Variants in DENR observed in about 807,000 individuals in gnomAD.
The protein encoded by DENR is density regulated re-initiation and release factor.
A neutral mutation model predicts 30.6 loss-of-function variants in DENR; 6 were observed. The ratio of observed to expected loss-of-function variants is 0.20; its 90% CI spans 0.11 to 0.39. The LOEUF (loss-of-function observed/expected upper bound fraction) is 0.39, where lower values mean the gene tolerates loss of function less well. Among genes scored for constraint, DENR ranks in the 10% least tolerant of loss-of-function variants. The pLI is 1.00. For missense variants in DENR, 141 were observed against 230.9 expected (o/e 0.61, Z 2.52); for synonymous variants, 78 against 72.1 (o/e 1.08, Z -0.41).
At position 122,767,519 on chromosome 12, in the gene DENR, G is replaced by A; in HGVS notation, c.327G>A (p.Lys109=). 1 of 1,585,662 alleles carries A rather than the reference G, an allele frequency of 6.3e-7. No individual in the cohort carries two copies. The highest frequency in any genetic ancestry group is 8.6e-7 in the Non-Finnish European group (1 of 1,166,826). ...GGRGQIKQKK[K]TVPQKVTIAK... ...GGGGTCAAATAAAACAAAAAAAGAAGACCGTACCACAAAAGGTTACTATAG... is the reference window on the plus strand; with the variant it reads ...GGGGTCAAATAAAACAAAAAAAGAAAACCGTACCACAAAAGGTTACTATAG... Residue 109 remains lysine, a synonymous_variant, in exon 6 of 8, where the codon AAG becomes AAA. Transcript: ENST00000280557.
Position 122,769,216 on chromosome 12 carries a change from ATGTATATATACATGTG to A in DENR, c.*144_*159del. 1.2e-6 allele frequency: 1 copy of A among 838,788 alleles called. No homozygotes were observed. Among genetic ancestry groups the A allele is most frequent in the Admixed American group, 4.7e-5 (1 of 21,304 alleles). 52.0% of individuals were successfully genotyped at this position (838,788 alleles called of 1,614,324 possible). On this transcript the variant is annotated 3_prime_UTR_variant, in exon 8 of 8. Coordinates refer to ENST00000280557, the MANE Select transcript of DENR (RefSeq NM_003677.5). Reference sequence around the variant, plus strand: ...TATATGTATGTATACACATATACACATGTATATATACATGTGTGTATGTATACATGTATATATATAT... The same window carrying A: ...TATATGTATGTATACACATATACACATGTATGTATACATGTATATATATAT...
At chr12:122,758,113 C>T (rs1566059011) in intron 2 of DENR, among the ~76,000 whole-genome samples, 1 of 152,134 alleles carries the variant, frequency 6.6e-6, no homozygotes, top group Non-Finnish European at 1.5e-5. Flanking sequence ...ACTCTGTTGC[C>T]CAGACTGGAG....
chr12:122,770,446 GC>G lies in DENR; in HGVS notation c.*1370del. On this transcript the variant is annotated 3_prime_UTR_variant, in exon 8 of 8. Transcript: ENST00000280557. ...CGTCATCATCTGCTCTGAGTGGAAG[GC>G]CGTTCAGAGAGGCTAGAGGTTCTTA... is the stretch of plus-strand genomic sequence containing the variant. The G allele has an allele frequency of 2.5e-6, 1 of 395,058 alleles. No homozygotes were observed. The highest frequency in any genetic ancestry group is 4.5e-6 in the Non-Finnish European group (1 of 224,410). 24.5% of individuals were successfully genotyped at this position (395,058 alleles called of 1,614,324 possible). A position where few individuals can be genotyped will look rare whatever the true frequency, so the allele number is the denominator to read the frequency against.
intron 5 of DENR, 92 bp downstream of exon 5, chr12:122,765,479 C>A: frequency 8.7e-7 from 1 of 1,146,694 alleles, no homozygotes; most frequent in Non-Finnish European, 1.2e-6. Flanking sequence ...AAGCTAGGCA[C>A]AATGGTGGGC....
chr12:122,764,982 G>T (rs972840874), intron 4 of DENR, among the ~76,000 whole-genome samples: 3 of 152,208 alleles, frequency 2.0e-5, no homozygotes, highest in Non-Finnish European at 1.5e-5. Context: ...CTCTTCTCTA[G>T]ATGTTAACAA....
chr12:122,758,217 G>A (rs535058779), intron 2 of DENR, among the ~76,000 whole-genome samples: 8 of 152,080 alleles, frequency 5.3e-5, no homozygotes, highest in East Asian at 3.9e-4. Flanking sequence ...GATTACAGGC[G>A]CCTGCCACCG....
chr12:122,756,613 G>A (rs1357441474), intron 2 of DENR, among the ~76,000 whole-genome samples: 1 of 152,216 alleles, frequency 6.6e-6, no homozygotes, highest in Non-Finnish European at 1.5e-5. Context: ...CAGAAGGGCT[G>A]AAGGTTGGAC....
rs562263775 is a variant in DENR at position 122,765,168 on chromosome 12, T to A, written c.212-136T>A. 2.9e-5 allele frequency: 19 copies of A among 644,256 alleles called. No homozygotes were observed. In the African/African-American group the frequency reaches 3.3e-4, roughly 11 times the overall value. The allele number at this position is 644,256 out of a possible 1,614,324, so 39.9% of individuals were successfully genotyped here. A position where few individuals can be genotyped will look rare whatever the true frequency, so the allele number is the denominator to read the frequency against. ...CTTGAATAGAAATCTAGCAGTGTAA[T>A]CCATTGCTTTACAAATTTCATGCTC... is the stretch of plus-strand genomic sequence containing the variant. On this transcript the variant is annotated intron_variant, in intron 4 of 7. Coordinates refer to ENST00000280557, the MANE Select transcript of DENR (RefSeq NM_003677.5).
chr12:122,752,878 A>T lies in DENR; in HGVS notation c.-82A>T, dbSNP rs979271678. 4 of 152,474 alleles carry T rather than the reference A, an allele frequency of 2.6e-5. No homozygotes were observed. Among genetic ancestry groups the T allele is most frequent in the African/African-American group, 7.2e-5 (3 of 41,444 alleles). 9.4% of individuals were successfully genotyped at this position (152,474 alleles called of 1,614,324 possible). A position where few individuals can be genotyped will look rare whatever the true frequency, so the allele number is the denominator to read the frequency against. The stretch of plus-strand genomic sequence containing the variant: ...CGCTCGGGCGGCCCTGGCCGGGGAG[A>T]CGAGTTGCATGTGTTGGTTCAGCTG... On this transcript the variant is annotated 5_prime_UTR_variant, in exon 1 of 8. Coordinates refer to ENST00000280557, the MANE Select transcript of DENR (RefSeq NM_003677.5).
At chr12:122,767,650 C>T in intron 6 of DENR, 46 bp downstream of exon 6, 1 of 1,119,000 alleles carries the variant, frequency 8.9e-7, no homozygotes, top group East Asian at 2.7e-5. Flanking sequence ...ACTATTTTCT[C>T]TCTCTGTCTC....
rs756520790 is a variant in DENR at position 122,768,757 on chromosome 12, G to C, written c.413-25G>C. The stretch of plus-strand genomic sequence containing the variant: ...TTGCACAATTCCAATTACAGTTCTT[G>C]CTCTTTCTTTTTTTAAAAAAATAGA... On this transcript the variant is annotated intron_variant, in intron 6 of 7. Transcript: ENST00000280557. 2.0e-5 allele frequency: 30 copies of C among 1,518,904 alleles called. No homozygotes were observed. In the South Asian group the frequency reaches 3.2e-4, roughly 16 times the overall value. 94.1% of individuals were successfully genotyped at this position (1,518,904 alleles called of 1,614,324 possible).
intron 3 of DENR, 31 bp from the exon 4 acceptor site, chr12:122,762,814 G>A (rs1878738009): frequency 2.2e-6 from 3 of 1,383,328 alleles, no homozygotes; most frequent in South Asian, 2.6e-5. Context: ...AAAATGTTTT[G>A]TTGTGACTCA....
chr12:122,753,262 C>T (rs1364211984), intron 1 of DENR, among the ~76,000 whole-genome samples: 1 of 152,060 alleles, frequency 6.6e-6, no homozygotes. Flanking sequence ...CACCCTGCAC[C>T]CCGGGCTTCT....
At chr12:122,767,387 G>C in intron 5 of DENR, 101 bp from the exon 6 acceptor site, 1 of 748,034 alleles carries the variant, frequency 1.3e-6, no homozygotes, top group Non-Finnish European at 2.1e-6. Context: ...TTTTGTATTA[G>C]AGAAAAAGAA....
At chr12:122,755,311 G>A (rs1878518629) in intron 2 of DENR, among the ~76,000 whole-genome samples, 1 of 152,192 alleles carries the variant, frequency 6.6e-6, no homozygotes, top group African/African-American at 2.4e-5. Flanking sequence ...CGGGCGCAGT[G>A]GCTCACACTT....
chr12:122,770,678 G>A lies in DENR; in HGVS notation c.*1600G>A. ...AAGACTTGTGGTGTTTTAAGTTGCT[G>A]TGGACACTTTTAAGAAACTTAGAAC... On this transcript the variant is annotated 3_prime_UTR_variant, in exon 8 of 8. Transcript: ENST00000280557. 2.5e-6 allele frequency: 1 copy of A among 398,512 alleles called. No individual in the cohort carries two copies. Among genetic ancestry groups the A allele is most frequent in the East Asian group, 3.6e-5 (1 of 28,056 alleles). The allele number at this position is 398,512 out of a possible 1,614,324, so 24.7% of individuals were successfully genotyped here. A position where few individuals can be genotyped will look rare whatever the true frequency, so the allele number is the denominator to read the frequency against.
chr12:122,752,880 G>C lies in DENR; in HGVS notation c.-80G>C, dbSNP rs369638361. On this transcript the variant is annotated 5_prime_UTR_variant, in exon 1 of 8. Coordinates refer to ENST00000280557, the MANE Select transcript of DENR (RefSeq NM_003677.5). ...CTCGGGCGGCCCTGGCCGGGGAGAC[G>C]AGTTGCATGTGTTGGTTCAGCTGGC... 1.8e-4 allele frequency: 27 copies of C among 152,524 alleles called. No homozygotes were observed. Among genetic ancestry groups the C allele is most frequent in the African/African-American group, 6.0e-4 (25 of 41,480 alleles). 9.4% of individuals were successfully genotyped at this position (152,524 alleles called of 1,614,324 possible).
intron 2 of DENR, among the ~76,000 whole-genome samples, chr12:122,761,211 A>T (rs1298507662): frequency 6.6e-6 from 1 of 152,060 alleles, no homozygotes; most frequent in African/African-American, 2.4e-5. Flanking sequence ...CAGGAGTTTG[A>T]GACCAGTCTG....
chr12:122,753,111 C>T (rs1227724633), intron 1 of DENR, among the ~76,000 whole-genome samples, 161 bp downstream of exon 1: 3 of 152,246 alleles, frequency 2.0e-5, no homozygotes, highest in Non-Finnish European at 4.4e-5. Context: ...CGCCTCAGAC[C>T]TGGTCGCCCT....
Sources: gnomAD v4.1 joint callset for allele counts (sites outside exome capture counted in the v4.1 genomes callset) on GRCh38, gnomAD v4.1.1 for gene constraint, MANE v1.5 for transcripts, NCBI Gene and HGNC (gene_info 2026-07-23, HGNC 2026-07-21) for gene names.